STK38L: variants seen among roughly 807,000 people sequenced by gnomAD.
STK38L encodes the protein serine/threonine-protein kinase 38-like.
Under a neutral mutation model 59.7 loss-of-function variants are expected in STK38L, and 28 were observed. The ratio of observed to expected loss-of-function variants is 0.47; its 90% CI spans 0.35 to 0.64. STK38L has a LOEUF of 0.64. Among genes scored for constraint, STK38L ranks in the 30% least tolerant of loss-of-function variants. The pLI, the probability that STK38L is intolerant of heterozygous loss-of-function variation, is 0.01. For missense variants in STK38L, 314 were observed against 555.8 expected (o/e 0.56, Z 4.37); for synonymous variants, 162 against 176.8 (o/e 0.92, Z 0.66).
In STK38L at chr12:27,322,577, G is replaced by A; in HGVS notation, c.*122G>A. Reference sequence around the variant, plus strand: ...ATGGTGGTGCTTATTGACTACAAGAGGAAATTCTACAGGATTAGGATTTCT... The same window carrying A: ...ATGGTGGTGCTTATTGACTACAAGAAGAAATTCTACAGGATTAGGATTTCT... On this transcript the variant is annotated 3_prime_UTR_variant, in exon 14 of 14. Coordinates refer to ENST00000389032, the MANE Select transcript of STK38L (RefSeq NM_015000.4). The A allele has an allele frequency of 7.4e-7, 1 of 1,342,788 alleles. No individual in the cohort carries two copies. Among genetic ancestry groups the A allele is most frequent in the South Asian group, 1.8e-5 (1 of 56,888 alleles). The allele number at this position is 1,342,788 out of a possible 1,614,324, so 83.2% of individuals were successfully genotyped here. A position where few individuals can be genotyped will look rare whatever the true frequency, so the allele number is the denominator to read the frequency against.
At chr12:27,279,797 T>C (rs1371270066) in intron 1 of STK38L, among the ~76,000 whole-genome samples, 2 of 148,580 alleles carry the variant, frequency 1.3e-5, no homozygotes, top group Non-Finnish European at 3.0e-5. Flanking sequence ...ATGAGAAAAA[T>C]ACAATTTTTT....
At chr12:27,251,012 A>G (rs1275881801) in intron 1 of STK38L, among the ~76,000 whole-genome samples, 1 of 151,584 alleles carries the variant, frequency 6.6e-6, no homozygotes, top group Non-Finnish European at 1.5e-5. Context: ...AAAAAAAAAA[A>G]AAAAGAAATT....
At chr12:27,298,617 C>T (rs529450733) in intron 2 of STK38L, among the ~76,000 whole-genome samples, 6 of 152,104 alleles carry the variant, frequency 3.9e-5, no homozygotes, top group Non-Finnish European at 7.4e-5. Flanking sequence ...ATATTAAGTA[C>T]AAGGAAGGGA....
intron 12 of STK38L, among the ~76,000 whole-genome samples, chr12:27,320,943 T>C (rs1944714778): frequency 6.6e-6 from 1 of 152,058 alleles, no homozygotes; most frequent in Non-Finnish European, 1.5e-5. Context: ...TATACACACA[T>C]AACTTAATTG....
chr12:27,293,427 G>C (rs1003710865), intron 1 of STK38L, among the ~76,000 whole-genome samples: 3 of 152,220 alleles, frequency 2.0e-5, no homozygotes, highest in African/African-American at 7.2e-5. Flanking sequence ...AGTTCTCTTT[G>C]TTTTGATGCC....
chr12:27,304,514 G>T (rs954772012), intron 3 of STK38L, among the ~76,000 whole-genome samples: 23 of 151,982 alleles, frequency 1.5e-4, no homozygotes, highest in African/African-American at 5.3e-4. Flanking sequence ...TTATTTACAT[G>T]TCATTAATAT....
intron 1 of STK38L, among the ~76,000 whole-genome samples, chr12:27,263,647 C>T (rs1305786529): frequency 6.6e-6 from 1 of 152,170 alleles, no homozygotes; most frequent in Non-Finnish European, 1.5e-5. Flanking sequence ...TTGCTATGTA[C>T]ATGTTAAAGA....
Position 27,281,296 on chromosome 12 carries a change from G to A in STK38L, c.-11-16414G>A, listed in dbSNP as rs1943651905. The stretch of plus-strand genomic sequence containing the variant: ...GAGACGGGGTTTCACCGTTTTAGCC[G>A]GGATGGTCTCGATCTCCTGACCTCG... On this transcript the variant is annotated intron_variant, in intron 1 of 13. Coordinates refer to ENST00000389032, the MANE Select transcript of STK38L (RefSeq NM_015000.4). Among the ~76,000 whole-genome samples the A allele has an allele frequency of 5.4e-4, 3 of 5,528 alleles. 1 individual carries two copies. The South Asian group carries it at 0.011, about 20-fold the overall frequency. 3.6% of individuals were successfully genotyped at this position (5,528 alleles called of 152,430 possible).
chr12:27,276,014 T>C (rs1443095019), intron 1 of STK38L, among the ~76,000 whole-genome samples: 2 of 152,200 alleles, frequency 1.3e-5, no homozygotes, highest in Non-Finnish European at 2.9e-5. Flanking sequence ...TGGATAGGCC[T>C]AACAAATGGA....
intron 1 of STK38L, among the ~76,000 whole-genome samples, chr12:27,249,770 A>G (rs1942933044): frequency 6.6e-6 from 1 of 152,142 alleles, no homozygotes; most frequent in African/African-American, 2.4e-5. Flanking sequence ...CCTTTTGCTG[A>G]TTCTCGTTGA....
rs11836459 is a variant in STK38L, at chr12:27,308,077, A to C, written c.187-262A>C. ...TATTTATGGAATTGTTACCATATAG[A>C]TGAAAGAATAAGTTATACATATATA... On this transcript the variant is annotated intron_variant, in intron 3 of 13. Coordinates refer to ENST00000389032, the MANE Select transcript of STK38L (RefSeq NM_015000.4). The surrounding 1 kb of genome is among the most constrained non-coding windows in gnomAD (Gnocchi z 4.5). Among the ~76,000 whole-genome samples, 6,914 of 131,974 alleles carry C rather than the reference A, an allele frequency of 0.052. 507 individuals carry two copies. Among genetic ancestry groups the C allele is most frequent in the African/African-American group, 0.18 (6,506 of 36,602 alleles). The allele number at this position is 131,974 out of a possible 152,430, so 86.6% of individuals were successfully genotyped here.
chr12:27,274,152 C>G (rs1267260343), intron 1 of STK38L, among the ~76,000 whole-genome samples: 1 of 150,842 alleles, frequency 6.6e-6, no homozygotes, highest in Non-Finnish European at 1.5e-5. Context: ...ACTCGGGAAG[C>G]TGAGGCAGGA....
At chr12:27,266,559 C>T (rs1011625940) in intron 1 of STK38L, among the ~76,000 whole-genome samples, 1 of 152,130 alleles carries the variant, frequency 6.6e-6, no homozygotes, top group Non-Finnish European at 1.5e-5. Context: ...AAACACATTG[C>T]CCACATGTTC....
chr12:27,259,998 T>C (rs540631609), intron 1 of STK38L, among the ~76,000 whole-genome samples: 14 of 152,202 alleles, frequency 9.2e-5, no homozygotes, highest in Non-Finnish European at 2.1e-4. Flanking sequence ...GTTTCTTATA[T>C]CAAGTTTTAA....
At chr12:27,263,569 C>T (rs1943245460) in intron 1 of STK38L, among the ~76,000 whole-genome samples, 1 of 152,178 alleles carries the variant, frequency 6.6e-6, no homozygotes, top group South Asian at 2.1e-4. Context: ...CCCTAAAGGG[C>T]CTTCATCATA....
intron 1 of STK38L, among the ~76,000 whole-genome samples, chr12:27,254,071 T>G (rs1351402366): frequency 2.0e-5 from 3 of 152,146 alleles, no homozygotes; most frequent in Non-Finnish European, 4.4e-5. Flanking sequence ...AAGAGAAAAG[T>G]AAATCCACTA....
intron 1 of STK38L, among the ~76,000 whole-genome samples, chr12:27,254,853 C>T (rs1048520475): frequency 1.3e-5 from 2 of 152,140 alleles, no homozygotes; most frequent in Non-Finnish European, 2.9e-5. Flanking sequence ...TACCTCCACA[C>T]CTCTTCCAGG....
intron 2 of STK38L, among the ~76,000 whole-genome samples, chr12:27,301,203 A>G (rs1482737282): frequency 1.3e-5 from 2 of 152,130 alleles, no homozygotes; most frequent in Non-Finnish European, 2.9e-5. Flanking sequence ...AAAATGAATA[A>G]CTGAACCTGG....
intron 1 of STK38L, among the ~76,000 whole-genome samples, chr12:27,288,900 T>C (rs969910446): frequency 6.6e-6 from 1 of 151,442 alleles, no homozygotes; most frequent in South Asian, 2.1e-4. Flanking sequence ...CTCTTTTATA[T>C]CAATCAAGAC....
Sources: gnomAD v4.1 joint callset for allele counts (sites outside exome capture counted in the v4.1 genomes callset) on GRCh38, gnomAD v4.1.1 for gene constraint, Gnocchi (gnomAD v3.1) non-coding constraint, MANE v1.5 for transcripts, NCBI Gene and HGNC (gene_info 2026-07-23, HGNC 2026-07-21) for gene names.